Variants in NUP93 observed in about 807,000 individuals in gnomAD.
NUP93 encodes the protein nuclear pore complex protein Nup93.
Under a neutral mutation model 107.8 loss-of-function variants are expected in NUP93, and 55 were observed. That is an observed-to-expected ratio of 0.51 (90% confidence interval 0.41 to 0.64). The LOEUF is 0.64. Ranked by LOEUF, NUP93 falls within the 30% of genes least tolerant of loss-of-function variation. NUP93 has a pLI of 0.00. For synonymous variants in NUP93, 390 were observed against 397.5 expected (o/e 0.98, Z 0.22); for missense variants, 937 against 1,044.7 (o/e 0.90, Z 1.42).
At chr16:56,838,563 A>AT (rs1208105751) in intron 18 of NUP93, among the ~76,000 whole-genome samples, 1 of 151,812 alleles carries the variant, frequency 6.6e-6, no homozygotes, top group African/African-American at 2.4e-5. Flanking sequence ...CTTTTTATAC[A>AT]TTTTTTTTGT....
chr16:56,742,846 C>T (rs1409228137), intron 1 of NUP93, among the ~76,000 whole-genome samples: 1 of 152,142 alleles, frequency 6.6e-6, no homozygotes, highest in Non-Finnish European at 1.5e-5. Context: ...CAGTGATTCC[C>T]CAGCTTGAGA....
chr16:56,739,113 T>C (rs1961660263), intron 1 of NUP93, among the ~76,000 whole-genome samples: 1 of 144,722 alleles, frequency 6.9e-6, no homozygotes, highest in Non-Finnish European at 1.5e-5. Context: ...CCATGTCTAC[T>C]TCTTTCTACA....
chr16:56,829,440 A>T (rs1195879934), intron 9 of NUP93, among the ~76,000 whole-genome samples: 4 of 152,208 alleles, frequency 2.6e-5, no homozygotes, highest in African/African-American at 7.2e-5. Context: ...ATTTTTGGCT[A>T]AAACAGCTGG....
At chr16:56,731,631 C>T (rs1301697532) in intron 1 of NUP93, among the ~76,000 whole-genome samples, 1 of 152,104 alleles carries the variant, frequency 6.6e-6, no homozygotes, top group Non-Finnish European at 1.5e-5. Flanking sequence ...TGGTCTTGAA[C>T]TCCTGGCCTC....
At chr16:56,797,546 C>T (rs1376258641) in intron 3 of NUP93, among the ~76,000 whole-genome samples, 1 of 152,138 alleles carries the variant, frequency 6.6e-6, no homozygotes, top group Non-Finnish European at 1.5e-5. Context: ...AATGTCTCAG[C>T]CCTTTTCCTG....
chr16:56,803,167 A>T (rs1052955766), intron 4 of NUP93, among the ~76,000 whole-genome samples: 7 of 152,118 alleles, frequency 4.6e-5, no homozygotes, highest in African/African-American at 1.4e-4. Flanking sequence ...AAATCAAATC[A>T]AATCACTGGG....
At chr16:56,825,116 G>GCATA (rs1391637465) in intron 8 of NUP93, among the ~76,000 whole-genome samples, 3 of 151,324 alleles carry the variant, frequency 2.0e-5, no homozygotes. Context: ...GAGTGCAGTG[G>GCATA]CATAATCTGG....
At chr16:56,797,139 G>A (rs1288579990) in intron 3 of NUP93, among the ~76,000 whole-genome samples, 1 of 150,558 alleles carries the variant, frequency 6.6e-6, no homozygotes, top group Non-Finnish European at 1.5e-5. Context: ...GTGTGGTGGT[G>A]CATGCTTGTA....
chr16:56,832,235 C>T (rs866350147), intron 11 of NUP93, 60 bp from the exon 12 acceptor site: 1 of 1,408,542 alleles, frequency 7.1e-7, no homozygotes, highest in Non-Finnish European at 1.0e-6. Context: ...AGCTACAACT[C>T]TGTGCATGTG....
At position 56,832,562 on chromosome 16, in the gene NUP93, T is replaced by C. The variant is rs1963817595; in HGVS notation, c.1345+174T>C. Among the ~76,000 whole-genome samples, 3 of 152,360 alleles carry C rather than the reference T, an allele frequency of 2.0e-5. No homozygotes were observed. The South Asian group carries it at 6.2e-4, about 32-fold the overall frequency. Reference sequence around the variant, plus strand: ...CCATTCCAAATTCAAATAAAGGGCATGTGGCCTTAAGAAATACATAAAACT... The same window carrying C: ...CCATTCCAAATTCAAATAAAGGGCACGTGGCCTTAAGAAATACATAAAACT... On this transcript the variant is annotated intron_variant, in intron 12 of 21. Transcript: ENST00000308159.
chr16:56,758,457 T>G (rs1962067042), intron 2 of NUP93, 81 bp from the exon 3 acceptor site: 1 of 1,012,378 alleles, frequency 9.9e-7, no homozygotes, highest in Admixed American at 1.7e-5. Context: ...TCTCTAGTAT[T>G]TGATGAAGCA....
chr16:56,826,158 G>T (rs1252353994), intron 8 of NUP93, among the ~76,000 whole-genome samples: 1 of 152,126 alleles, frequency 6.6e-6, no homozygotes, highest in African/African-American at 2.4e-5. Context: ...AGACCATAGT[G>T]GGCATCTGTT....
At chr16:56,813,472 G>A (rs77199942) in intron 5 of NUP93, among the ~76,000 whole-genome samples, 6,564 of 152,264 alleles carry the variant, frequency 0.043, 211 homozygotes, top group African/African-American at 0.079. Flanking sequence ...CAGTTCACCT[G>A]TTAGGGGTTT....
chr16:56,748,052 C>T (rs957831859), intron 1 of NUP93, 182 bp from the exon 2 acceptor site: 3 of 455,962 alleles, frequency 6.6e-6, no homozygotes, highest in Non-Finnish European at 1.2e-5. Context: ...CAGCCTGACT[C>T]ATTTTCTCTG....
intron 3 of NUP93, among the ~76,000 whole-genome samples, chr16:56,765,196 G>A (rs573745943): frequency 6.6e-6 from 1 of 152,180 alleles, no homozygotes; most frequent in Admixed American, 6.5e-5. Flanking sequence ...AGACTTTGCT[G>A]TCTAAATATT....
chr16:56,833,177 T>A, intron 12 of NUP93, 38 bp from the exon 13 acceptor site: 1 of 1,557,300 alleles, frequency 6.4e-7, no homozygotes, highest in Non-Finnish European at 8.6e-7. Context: ...CCCTTCTTTC[T>A]AAGTTGGTTT....
chr16:56,843,405 C>G (rs954631475), intron 21 of NUP93, among the ~76,000 whole-genome samples: 29 of 152,292 alleles, frequency 1.9e-4, no homozygotes, highest in Admixed American at 1.7e-3. Flanking sequence ...GAAGATCATT[C>G]TCCTGCCTTC....
chr16:56,794,086 GTAGGTAGATAGATAGATAGATAGA>G (rs1962832289), intron 3 of NUP93, among the ~76,000 whole-genome samples: 2 of 135,718 alleles, frequency 1.5e-5, no homozygotes, highest in Admixed American at 8.0e-5. Flanking sequence ...AGGTAGGTAG[GTAGGTAGATAGATAGATAGATAGA>G]TAGATAGATA....
At chr16:56,754,279 G>T (rs113621658) in intron 2 of NUP93, among the ~76,000 whole-genome samples, 16,742 of 152,154 alleles carry the variant, frequency 0.11, 1,021 homozygotes, top group Middle Eastern at 0.25. Context: ...TTCGACATGA[G>T]ATTTGGGTGG....
Sources: allele counts gnomAD v4.1 joint callset (sites outside exome capture counted in the v4.1 genomes callset), GRCh38; gene constraint gnomAD v4.1.1; transcripts MANE v1.5; gene names NCBI Gene and HGNC (gene_info 2026-07-23, HGNC 2026-07-21).